The following SCN4A variants were observed in gnomAD, a reference collection of about 807,000 sequenced individuals.
SCN4A encodes sodium voltage-gated channel alpha subunit 4, also known as sodium channel protein type 4 subunit alpha.
A neutral mutation model predicts 162.0 loss-of-function variants in SCN4A; 83 were observed. That is an observed-to-expected ratio of 0.51 (90% confidence interval 0.43 to 0.61). The LOEUF is 0.61. Among genes scored for constraint, SCN4A ranks in the 20% least tolerant of loss-of-function variants. The pLI is 0.00. For missense variants in SCN4A, 2,196 were observed against 2,462.5 expected, an observed-to-expected ratio of 0.89 and a Z score of 2.29; for synonymous variants, 944 against 985.1, an observed-to-expected ratio of 0.96 and a Z score of 0.78.
At chr17:63,943,214 G>GAGATGAC in intron 22 of SCN4A, 118 bp from the exon 23 acceptor site, 2 of 47,430 alleles carry the variant, frequency 4.2e-5, no homozygotes, top group South Asian at 2.3e-4. Flanking sequence ...AGAGATGACA[G>GAGATGAC]AGAGAGAGAG....
Position 63,940,978 on chromosome 17 carries a change from C to T in SCN4A, c.5304G>A (p.Lys1768=). 6.2e-7 allele frequency: 1 copy of T among 1,613,282 alleles called. No individual in the cohort carries two copies. Among genetic ancestry groups the T allele is most frequent in the South Asian group, 1.1e-5 (1 of 91,068 alleles). The part of the protein sequence containing the change: ...HDGSGDDAPE[K]EGLLANTMSK... The stretch of plus-strand genomic sequence containing the variant: ...TCATGGTGTTGGCAAGCAGCCCCTC[C>T]TTCTCAGGGGCGTCATCCCCGCTGC... Residue 1768 remains lysine (K), a synonymous_variant, in exon 24 of 24, where the codon AAG becomes AAA. Coordinates refer to ENST00000435607, the MANE Select transcript of SCN4A (RefSeq NM_000334.4).
intron 12 of SCN4A, 22 bp downstream of exon 12, chr17:63,959,243 T>C (rs1394857360): frequency 7.0e-7 from 1 of 1,435,082 alleles, no homozygotes; most frequent in Non-Finnish European, 9.4e-7. Context: ...TCCCAGCCCC[T>C]GGCCCTGGGG....
chr17:63,966,223 T>G lies in SCN4A; in HGVS notation c.1121A>C (p.Glu374Ala). ...SDAGHCPEGY[E>A]CIKTGRNPNY... ...GGGGTTCCGCCCGGTCTTGATGCAC[T>G]CATAACCCTCAGGGCAGTGCCTAGG... Residue 374 changes from glutamate to alanine, a missense_variant, in exon 8 of 24, where the codon GAG becomes GCG. By Grantham distance (107) the Glu-to-Ala change is moderately radical. Coordinates refer to ENST00000435607, the MANE Select transcript of SCN4A (RefSeq NM_000334.4). 1 of 1,604,224 alleles carries G rather than the reference T, an allele frequency of 6.2e-7. No individual in the cohort carries two copies. The highest frequency in any genetic ancestry group is 8.5e-7 in the Non-Finnish European group (1 of 1,175,528).
chr17:63,940,777 AAG>A lies in SCN4A; in HGVS notation c.5503_5504del (p.Leu1835CysfsTer11). The A allele has an allele frequency of 6.4e-7, 1 of 1,568,554 alleles. No homozygotes were observed. The highest frequency in any genetic ancestry group is 1.4e-5 in the African/African-American group (1 of 72,876). The part of the protein sequence containing the change: ...QTVRPGVKES[L>X]V ...GCCACCCCGATGCTGCCTGCTAGAC[AAG>A]AGACTCCTTGACACCTGGGCGCACA... On this transcript the variant is annotated frameshift_variant, in exon 24 of 24. Transcript: ENST00000435607. LOFTEE classifies it high-confidence loss of function.
In SCN4A at chr17:63,946,472, C is replaced by G. The variant is rs908637507; in HGVS notation, c.3441+573G>C. On this transcript the variant is annotated intron_variant, in intron 18 of 23. Transcript: ENST00000435607. Reference sequence around the variant, plus strand: ...AGTCCCATTTTTCTTGCCCCCCCCCCCACCCCGCCGCAACCCTGTGTTTAC... The same window carrying G: ...AGTCCCATTTTTCTTGCCCCCCCCCGCACCCCGCCGCAACCCTGTGTTTAC... Among the ~76,000 whole-genome samples, 6 of 128,892 alleles carry G rather than the reference C, an allele frequency of 4.7e-5. 1 individual carries two copies. Among genetic ancestry groups the G allele is most frequent in the Non-Finnish European group, 7.9e-5 (5 of 62,970 alleles). 84.6% of individuals were successfully genotyped at this position (128,892 alleles called of 152,430 possible). A position where few individuals can be genotyped will look rare whatever the true frequency, so the allele number is the denominator to read the frequency against.
intron 11 of SCN4A, among the ~76,000 whole-genome samples, chr17:63,960,975 C>A (rs1479628716): frequency 6.6e-6 from 1 of 151,498 alleles, no homozygotes; most frequent in Non-Finnish European, 1.5e-5. Flanking sequence ...CATCTCCCTG[C>A]CCCTAAATGT....
intron 13 of SCN4A, among the ~76,000 whole-genome samples, chr17:63,952,448 G>A (rs924368611): frequency 1.3e-5 from 2 of 152,062 alleles, no homozygotes; most frequent in African/African-American, 2.4e-5. Flanking sequence ...GCATCACCAC[G>A]GTGCCTGGCC....
chr17:63,968,096 G>A lies in SCN4A; in HGVS notation c.963C>T (p.Asn321=), dbSNP rs748863960. ...MWYGNDSWYA[N]DTWNSHASWA... The stretch of plus-strand genomic sequence containing the variant: ...AGCTTGCATGGCTGTTCCACGTGTC[G>A]TTGGCATACCATGAGTCATTGCCGT... Residue 321 remains asparagine (N), a synonymous_variant, in exon 6 of 24, where the codon AAC becomes AAT. Coordinates refer to ENST00000435607, the MANE Select transcript of SCN4A (RefSeq NM_000334.4). 380 of 1,613,804 alleles carry A rather than the reference G, an allele frequency of 2.4e-4. 3 individuals are homozygous for A. The Admixed American group carries it at 5.5e-3, about 23-fold the overall frequency.
intron 5 of SCN4A, among the ~76,000 whole-genome samples, chr17:63,968,735 G>A (rs75090417): frequency 1.8e-4 from 28 of 152,336 alleles, no homozygotes; most frequent in African/African-American, 6.7e-4. Context: ...CGTTGATAAT[G>A]TTTGGGAAAA....
chr17:63,949,996 G>A (rs1372456698), intron 14 of SCN4A, among the ~76,000 whole-genome samples: 1 of 152,146 alleles, frequency 6.6e-6, no homozygotes, highest in Non-Finnish European at 1.5e-5. Context: ...TTTGGCTGAG[G>A]AATCCAGAAA....
intron 5 of SCN4A, among the ~76,000 whole-genome samples, chr17:63,970,243 T>C (rs1017314483): frequency 7.2e-5 from 11 of 152,168 alleles, no homozygotes; most frequent in Admixed American, 1.3e-4. Flanking sequence ...CTTATTTTAT[T>C]GAGCACACAC....
intron 23 of SCN4A, 143 bp downstream of exon 23, chr17:63,942,683 A>G: frequency 1.2e-6 from 1 of 832,222 alleles, no homozygotes; most frequent in Non-Finnish European, 1.9e-6. Flanking sequence ...GCCTTTGTGC[A>G]TTGAGAGTGA....
Position 63,972,864 on chromosome 17 carries a change from C to A in SCN4A, c.-23G>T, listed in dbSNP as rs747406998. The stretch of plus-strand genomic sequence containing the variant: ...CATCCTCGCATCCTGGGCTCAGAGA[C>A]CAGAAGGGTGGTGGGTGGCCTGGGG... On this transcript the variant is annotated 5_prime_UTR_variant, in exon 1 of 24. Coordinates refer to ENST00000435607, the MANE Select transcript of SCN4A (RefSeq NM_000334.4). The surrounding 1 kb of genome is among the most constrained non-coding windows in gnomAD (Gnocchi z 4.3). 4.4e-6 allele frequency: 7 copies of A among 1,588,318 alleles called. No individual in the cohort carries two copies. The highest frequency in any genetic ancestry group is 2.7e-5 in the African/African-American group (2 of 74,528).
rs762311521 is a variant in SCN4A, at chr17:63,941,765, T to C, written c.4517A>G (p.Tyr1506Cys). The C allele has an allele frequency of 6.2e-7, 1 of 1,614,086 alleles. No homozygotes were observed. The highest frequency in any genetic ancestry group is 8.5e-7 in the Non-Finnish European group (1 of 1,180,016). The change falls in exon 24 of 24, where the codon TAC (tyrosine) becomes TGC (cysteine). Residue 1506 changes from tyrosine (Y) to cysteine (C), a missense_variant. Coordinates refer to ENST00000435607, the MANE Select transcript of SCN4A (RefSeq NM_000334.4). This position sits in a 1 kb window ranked among gnomAD's most constrained non-coding sequence, Gnocchi z 6.2. ...ATCGATGCCCGACTCCTTCTTGACG[T>C]AGGCAAAGTTGGACATGCCGAAGAT... ...YSIFGMSNFAYVKKESGIDDM... is the reference protein window; with the variant it reads ...YSIFGMSNFACVKKESGIDDM...
In SCN4A at chr17:63,951,770, G is replaced by A; in HGVS notation, c.2507C>T (p.Ala836Val). The A allele has an allele frequency of 6.3e-7, 1 of 1,585,664 alleles. No homozygotes were observed. The highest frequency in any genetic ancestry group is 8.6e-7 in the Non-Finnish European group (1 of 1,165,830). The change falls in exon 14 of 24, where the codon GCC becomes GTC. Residue 836 changes from alanine to valine, a missense_variant. Physicochemically the swap from Ala to Val is moderately conservative, Grantham distance 64 (BLOSUM62 0). Coordinates refer to ENST00000435607, the MANE Select transcript of SCN4A (RefSeq NM_000334.4). This position sits in a 1 kb window ranked among gnomAD's most constrained non-coding sequence, Gnocchi z 4.5. ...IGRIKLGIGF[A>V]KAFLLGLLHG... The stretch of plus-strand genomic sequence containing the variant: ...CAGCAGCCCCAGGAGGAAGGCCTTG[G>A]CAAAGCCGATGCCCAACTTGATGCG...
Position 63,940,885 on chromosome 17 carries a change from C to G in SCN4A, c.5397G>C (p.Gly1799=). The G allele has an allele frequency of 1.9e-6, 3 of 1,613,856 alleles. No homozygotes were observed. Among genetic ancestry groups the G allele is most frequent in the Non-Finnish European group, 2.5e-6 (3 of 1,179,868 alleles). ...SPSPEEKGEA[G]DAGPTMGLMP... ...TCAGCCCCATAGTGGGTCCGGCGTC[C>G]CCTGCCTCGCCCTTCTCCTCCGGGC... The change falls in exon 24 of 24, where the codon GGG becomes GGC. Residue 1799 remains glycine (G), a synonymous_variant. Coordinates refer to ENST00000435607, the MANE Select transcript of SCN4A (RefSeq NM_000334.4).
Position 63,964,661 on chromosome 17 carries a change from C to T in SCN4A, c.1259G>A (p.Gly420Asp). 1.2e-6 allele frequency: 2 copies of T among 1,607,924 alleles called. No individual in the cohort carries two copies. Among genetic ancestry groups the T allele is most frequent in the Non-Finnish European group, 1.7e-6 (2 of 1,177,716 alleles). Residue 420 changes from glycine (G) to aspartate (D), a missense_variant, in exon 9 of 24, where the codon GGC becomes GAC. Coordinates refer to ENST00000435607, the MANE Select transcript of SCN4A (RefSeq NM_000334.4). ...CACGAAGAAGATCATGTAGGTCTTG[C>T]CAGCTGCTCGAAGGGTCTGGGAGTG... is the stretch of plus-strand genomic sequence containing the variant. ...NLFQLTLRAA[G>D]KTYMIFFVVI...
At chr17:63,959,201 C>T (rs1909165770) in intron 12 of SCN4A, 64 bp downstream of exon 12, 2 of 1,477,926 alleles carry the variant, frequency 1.4e-6, no homozygotes, top group Non-Finnish European at 1.8e-6. Context: ...ATCCCTGTGC[C>T]CACCCTCCTT....
intron 8 of SCN4A, 128 bp from the exon 9 acceptor site, chr17:63,964,805 T>C: frequency 1.4e-6 from 1 of 696,390 alleles, no homozygotes; most frequent in Non-Finnish European, 2.4e-6. Context: ...CCTGGGGGAC[T>C]GATGGCCGTC....
Sources: gnomAD v4.1 joint callset for allele counts (sites outside exome capture counted in the v4.1 genomes callset) on GRCh38, gnomAD v4.1.1 for gene constraint, Gnocchi (gnomAD v3.1) non-coding constraint, MANE v1.5 for transcripts, NCBI Gene and HGNC (gene_info 2026-07-23, HGNC 2026-07-21) for gene names.